Variants in TENM4 observed in about 807,000 individuals in gnomAD.
TENM4 encodes teneurin-4.
Under a neutral mutation model 243.3 loss-of-function variants are expected in TENM4, and 82 were observed. The ratio of observed to expected loss-of-function variants is 0.34; its 90% confidence interval spans 0.28 to 0.40. The LOEUF is 0.40. Among genes scored for constraint, TENM4 ranks in the 10% least tolerant of loss-of-function variants. The pLI, the probability that TENM4 is intolerant of heterozygous loss-of-function variation, is 1.00. For missense variants in TENM4, 3,138 were observed against 3,673.3 expected, an observed-to-expected ratio of 0.85 and a Z score of 3.77; for synonymous variants, 1,412 against 1,456.3, an observed-to-expected ratio of 0.97 and a Z score of 0.69.
intron 1 of TENM4, among the ~76,000 whole-genome samples, chr11:79,430,191 AAAAAAAAAAAGAAAAAAG>A (rs1448409131): frequency 7.2e-6 from 1 of 139,146 alleles, no homozygotes; most frequent in Non-Finnish European, 1.6e-5. Context: ...AACCTGCGAA[AAAAAAAAAAAGAAAAAAG>A]AAAAAAAAAA....
chr11:79,305,198 T>C (rs2135404337), intron 1 of TENM4, among the ~76,000 whole-genome samples: 1 of 152,352 alleles, frequency 6.6e-6, no homozygotes, highest in East Asian at 1.9e-4. Flanking sequence ...CTTATGTAAG[T>C]TGTGTGACAC....
At chr11:79,192,336 C>A (rs1372140314) in intron 3 of TENM4, among the ~76,000 whole-genome samples, 1 of 152,106 alleles carries the variant, frequency 6.6e-6, no homozygotes, top group Non-Finnish European at 1.5e-5. Context: ...GGGGGCAAGG[C>A]GGGGAAAAGA....
intron 2 of TENM4, among the ~76,000 whole-genome samples, chr11:79,246,986 A>G (rs11600855): frequency 0.016 from 641 of 40,072 alleles, 5 homozygotes; most frequent in African/African-American, 0.032. Context: ...TGTATTTCTC[A>G]AAAAAAAAAA....
intron 29 of TENM4, among the ~76,000 whole-genome samples, 193 bp downstream of exon 29, chr11:78,687,861 T>C (rs1858724078): frequency 6.6e-6 from 1 of 152,186 alleles, no homozygotes; most frequent in South Asian, 2.1e-4. Context: ...TAAAATATTA[T>C]TCTTAAGCTT....
At chr11:79,391,871 G>A (rs1440845235) in intron 1 of TENM4, among the ~76,000 whole-genome samples, 1 of 152,070 alleles carries the variant, frequency 6.6e-6, no homozygotes, top group East Asian at 1.9e-4. Context: ...TTATTTCTAT[G>A]GGACAGCTGT....
chr11:78,669,262 G>A lies in TENM4; in HGVS notation c.7083C>T (p.Asp2361=). 6.2e-7 allele frequency: 1 copy of A among 1,614,008 alleles called. No individual in the cohort carries two copies. The highest frequency in any genetic ancestry group is 1.1e-5 in the South Asian group (1 of 91,084). The part of the protein sequence containing the change: ...SSGDEFYIAC[D]NIGTPLAVFS... The stretch of plus-strand genomic sequence containing the variant: ...AGACAGCAAGAGGGGTCCCGATGTT[G>A]TCACAAGCTATGTAAAACTCATCAC... The change falls in exon 32 of 34, where the codon GAC becomes GAT. Residue 2361 remains aspartate, a synonymous_variant. Coordinates refer to ENST00000278550, the MANE Select transcript of TENM4 (RefSeq NM_001098816.3). The surrounding 1 kb of genome is among the most constrained non-coding windows in gnomAD (Gnocchi z 6.4).
At chr11:78,751,877 G>A (rs1426061966) in intron 19 of TENM4, among the ~76,000 whole-genome samples, 1 of 152,140 alleles carries the variant, frequency 6.6e-6, no homozygotes, top group African/African-American at 2.4e-5. Flanking sequence ...AGACCTCAGA[G>A]CTCCTCCTCT....
intron 1 of TENM4, among the ~76,000 whole-genome samples, chr11:79,395,622 T>C (rs980491024): frequency 1.3e-5 from 2 of 152,226 alleles, no homozygotes; most frequent in South Asian, 2.1e-4. Context: ...GGGCTTTCTA[T>C]GGCTCCCAGA....
chr11:78,941,902 C>T (rs1051964268), intron 6 of TENM4, among the ~76,000 whole-genome samples: 9 of 152,008 alleles, frequency 5.9e-5, no homozygotes, highest in African/African-American at 1.9e-4. Context: ...TACACAGGCT[C>T]TCTTTGGCTC....
At chr11:79,000,503 A>G (rs1858290037) in intron 6 of TENM4, among the ~76,000 whole-genome samples, 1 of 152,174 alleles carries the variant, frequency 6.6e-6, no homozygotes, top group Non-Finnish European at 1.5e-5. Flanking sequence ...AGAAAGGAAT[A>G]CAGTCATCTT....
At chr11:79,217,225 C>T (rs1590802274) in intron 2 of TENM4, among the ~76,000 whole-genome samples, 3 of 152,198 alleles carry the variant, frequency 2.0e-5, no homozygotes, top group Admixed American at 6.5e-5. Context: ...AGGTCATTTG[C>T]CTCAGGTCAT....
chr11:79,220,335 T>G (rs1162960142), intron 2 of TENM4, among the ~76,000 whole-genome samples: 2 of 152,216 alleles, frequency 1.3e-5, no homozygotes, highest in African/African-American at 2.4e-5. Context: ...GGTTCCAGTT[T>G]GCTGAGGGGA....
chr11:79,314,117 G>A (rs1204863900), intron 1 of TENM4, among the ~76,000 whole-genome samples: 3 of 152,094 alleles, frequency 2.0e-5, no homozygotes, highest in Admixed American at 6.5e-5. Flanking sequence ...TTCAAATCCA[G>A]CTCAGCCACT....
intron 2 of TENM4, among the ~76,000 whole-genome samples, chr11:79,287,408 T>C (rs368385624): frequency 1.8e-4 from 28 of 152,306 alleles, no homozygotes; most frequent in South Asian, 6.2e-4. Flanking sequence ...GCGTGCCAGA[T>C]GATGACCCCC....
At chr11:79,386,693 T>C (rs1338038955) in intron 1 of TENM4, among the ~76,000 whole-genome samples, 1 of 151,274 alleles carries the variant, frequency 6.6e-6, no homozygotes, top group Non-Finnish European at 1.5e-5. Context: ...TAAACCATAA[T>C]GAGACACAAC....
chr11:79,102,907 G>C (rs1861270776), intron 4 of TENM4, among the ~76,000 whole-genome samples: 1 of 152,056 alleles, frequency 6.6e-6, no homozygotes, highest in Admixed American at 6.5e-5. Context: ...ATAGCCGCCT[G>C]TGGCTTGTGG....
chr11:79,351,333 G>A (rs1857412202), intron 1 of TENM4, among the ~76,000 whole-genome samples: 1 of 152,142 alleles, frequency 6.6e-6, no homozygotes, highest in South Asian at 2.1e-4. Flanking sequence ...GCTCCACAAG[G>A]ACACAGACTT....
intron 1 of TENM4, among the ~76,000 whole-genome samples, chr11:79,431,550 T>G (rs1389216802): frequency 1.3e-5 from 2 of 152,168 alleles, no homozygotes; most frequent in Non-Finnish European, 2.9e-5. Context: ...AAGGGTATAT[T>G]AATTTGCATT....
intron 1 of TENM4, among the ~76,000 whole-genome samples, chr11:79,319,958 A>G (rs139846730): frequency 2.0e-3 from 301 of 152,320 alleles, no homozygotes; most frequent in African/African-American, 7.0e-3. Context: ...AGGCTCTACC[A>G]GTGATTAATT....
Sources: allele counts gnomAD v4.1 joint callset (sites outside exome capture counted in the v4.1 genomes callset), GRCh38; gene constraint gnomAD v4.1.1; non-coding constraint Gnocchi (gnomAD v3.1); transcripts MANE v1.5; gene names NCBI Gene and HGNC (gene_info 2026-07-23, HGNC 2026-07-21).